The following MESD variants were observed in gnomAD, a reference collection of about 807,000 sequenced individuals.
The protein encoded by MESD is LRP chaperone MESD.
In MESD, 7 loss-of-function variants were observed where a neutral mutation model predicts 12.9. The observed-to-expected ratio is 0.54, with a 90% CI of 0.31 to 1.02. The LOEUF (loss-of-function observed/expected upper bound fraction) is 1.02, where lower values mean the gene tolerates loss of function less well. Among genes scored for constraint, MESD ranks in the 50% least tolerant of loss-of-function variants. MESD has a pLI of 0.05. For synonymous variants in MESD, 126 were observed against 115.6 expected (o/e 1.09, Z -0.58); for missense variants, 342 against 296.7 (o/e 1.15, Z -1.12).
chr15:80,981,067 G>A (rs936255239), intron 2 of MESD, among the ~76,000 whole-genome samples: 1 of 151,264 alleles, frequency 6.6e-6, no homozygotes, highest in Non-Finnish European at 1.5e-5. Context: ...TTCGTGATCC[G>A]CCCACCTCAG....
At chr15:80,983,750 T>C (rs1442133387) in intron 1 of MESD, among the ~76,000 whole-genome samples, 1 of 152,114 alleles carries the variant, frequency 6.6e-6, no homozygotes, top group African/African-American at 2.4e-5. Context: ...GGAAGCCAAC[T>C]TGAAGCAGCT....
At chr15:80,958,093 T>A (rs1479974074) in intron 3 of MESD, among the ~76,000 whole-genome samples, 1 of 152,142 alleles carries the variant, frequency 6.6e-6, no homozygotes, top group Non-Finnish European at 1.5e-5. Flanking sequence ...CACAAGGAAG[T>A]TATTTATAGC....
At chr15:80,974,067 C>CCCA (rs915863392), downstream of MESD, among the ~76,000 whole-genome samples, 3 of 152,136 alleles carry the variant, frequency 2.0e-5, no homozygotes, top group African/African-American at 7.2e-5. Flanking sequence ...TGGTTCCCCC[C>CCCA]CCCACTGGGG....
rs1240000379 is a variant in MESD at position 80,976,665 on chromosome 15, T to C, written c.*2554A>G. The C allele has an allele frequency of 6.6e-6, 1 of 152,196 alleles. No homozygotes were observed. Among genetic ancestry groups the C allele is most frequent in the Non-Finnish European group, 1.5e-5 (1 of 68,042 alleles). The allele number at this position is 152,196 out of a possible 1,614,324, so 9.4% of individuals were successfully genotyped here. On this transcript the variant is annotated 3_prime_UTR_variant, in exon 3 of 3. Transcript: ENST00000261758. ...ACCACTTGGGAGGGCAATTTGGCAA[T>C]ACACACCAAAATGTTAAATTCCGTT...
intron 3 of MESD, among the ~76,000 whole-genome samples, chr15:80,962,026 A>G (rs568269851): frequency 6.6e-6 from 1 of 152,378 alleles, no homozygotes; most frequent in South Asian, 2.1e-4. Context: ...AAATGCCCCA[A>G]TTAAAAGATA....
downstream of MESD, among the ~76,000 whole-genome samples, chr15:80,975,209 A>C (rs1372643339): frequency 7.8e-6 from 1 of 128,566 alleles, no homozygotes; most frequent in Non-Finnish European, 1.7e-5. Flanking sequence ...CCATTTCTCC[A>C]AAAAAAAAAA....
intron 3 of MESD, among the ~76,000 whole-genome samples, chr15:80,954,028 C>T (rs1263213642): frequency 1.3e-5 from 2 of 152,180 alleles, no homozygotes; most frequent in Non-Finnish European, 2.9e-5. Flanking sequence ...CTCATCCCCT[C>T]CCACTGGCTC....
downstream of MESD, chr15:80,946,924 T>C (rs1901579679): frequency 1.4e-6 from 2 of 1,398,802 alleles, no homozygotes; most frequent in African/African-American, 1.4e-5. Flanking sequence ...TTTCTCCAGT[T>C]TGCTCTCTCC....
chr15:80,975,263 T>C (rs1331279344), downstream of MESD, among the ~76,000 whole-genome samples: 1 of 150,708 alleles, frequency 6.6e-6, no homozygotes, highest in African/African-American at 2.4e-5. Flanking sequence ...TGCATGCTTG[T>C]AGTCCTAGCT....
intron 1 of MESD, among the ~76,000 whole-genome samples, chr15:80,988,047 C>A (rs965065380): frequency 6.6e-6 from 1 of 152,232 alleles, no homozygotes; most frequent in African/African-American, 2.4e-5. Context: ...TCTGCTCCTG[C>A]AGTTTCTAGC....
At position 80,978,558 on chromosome 15, in the gene MESD, C is replaced by T. The variant is rs574164043; in HGVS notation, c.*661G>A. 1 of 152,348 alleles carries T rather than the reference C, an allele frequency of 6.6e-6. No individual in the cohort carries two copies. Among genetic ancestry groups the T allele is most frequent in the South Asian group, 2.1e-4 (1 of 4,830 alleles). 9.4% of individuals were successfully genotyped at this position (152,348 alleles called of 1,614,324 possible). ...CTCTTTCCTAAATAAGGAAACAAAACAGAACCCCTAACTTTACAGACCACA... is the reference window on the plus strand; with the variant it reads ...CTCTTTCCTAAATAAGGAAACAAAATAGAACCCCTAACTTTACAGACCACA... On this transcript the variant is annotated 3_prime_UTR_variant, in exon 3 of 3. Transcript: ENST00000261758.
In MESD at chr15:80,977,319, G is replaced by GT. The variant is rs1902443073; in HGVS notation, c.*1899_*1900insA. On this transcript the variant is annotated 3_prime_UTR_variant, in exon 3 of 3. Coordinates refer to ENST00000261758, the MANE Select transcript of MESD (RefSeq NM_015154.3). ...CTGCCATTTTACTTTGTACATTACTGACATTTGTCTTCCCCCACCGAATCA... is the reference window on the plus strand; with the variant it reads ...CTGCCATTTTACTTTGTACATTACTGTACATTTGTCTTCCCCCACCGAATCA... 1 of 152,076 alleles carries GT rather than the reference G, an allele frequency of 6.6e-6. No individual in the cohort carries two copies. The highest frequency in any genetic ancestry group is 2.4e-5 in the African/African-American group (1 of 41,360). The allele number at this position is 152,076 out of a possible 1,614,324, so 9.4% of individuals were successfully genotyped here. A position where few individuals can be genotyped will look rare whatever the true frequency, so the allele number is the denominator to read the frequency against.
intron 3 of MESD, among the ~76,000 whole-genome samples, chr15:80,961,277 G>GAA (rs146807735): frequency 8.6e-6 from 1 of 115,924 alleles, no homozygotes. Flanking sequence ...GGAACAAAAA[G>GAA]AAAAAAAAAA....
At chr15:80,966,296 TATA>T (rs1295952736) in intron 3 of MESD, among the ~76,000 whole-genome samples, 1 of 152,326 alleles carries the variant, frequency 6.6e-6, no homozygotes, top group Non-Finnish European at 1.5e-5. Context: ...TAGCATTATT[TATA>T]ATGACTTGAC....
intron 3 of MESD, among the ~76,000 whole-genome samples, chr15:80,960,636 TAAAC>T (rs779101910): frequency 2.0e-5 from 3 of 152,202 alleles, no homozygotes; most frequent in African/African-American, 4.8e-5. Context: ...AACGCTTTCT[TAAAC>T]AAAATATCAA....
chr15:80,971,840 G>A (rs1440975084), downstream of MESD, among the ~76,000 whole-genome samples: 1 of 151,878 alleles, frequency 6.6e-6, no homozygotes, highest in African/African-American at 2.4e-5. Context: ...CAGCTACTTG[G>A]GAGGGAGGCT....
intron 3 of MESD, among the ~76,000 whole-genome samples, chr15:80,966,577 G>A (rs1328261373): frequency 1.3e-5 from 2 of 152,152 alleles, no homozygotes; most frequent in African/African-American, 4.8e-5. Flanking sequence ...CACAAACCAA[G>A]CTTCCACCCC....
At chr15:80,968,267 C>A (rs1258589866) in intron 3 of MESD, among the ~76,000 whole-genome samples, 1 of 152,210 alleles carries the variant, frequency 6.6e-6, no homozygotes, top group Admixed American at 6.5e-5. Flanking sequence ...GCATACCCTA[C>A]ACTGGGCAAG....
At position 80,985,299 on chromosome 15, in the gene MESD, G is replaced by A. The variant is rs8027735; in HGVS notation, c.214-3117C>T. Among the ~76,000 whole-genome samples the A allele has an allele frequency of 4.6e-3, 704 of 152,292 alleles. 6 individuals carry two copies. The highest frequency in any genetic ancestry group is 0.016 in the African/African-American group (674 of 41,578). On this transcript the variant is annotated intron_variant, in intron 1 of 2. Transcript: ENST00000261758. ...TAATGGAAAGCTGAGGGTAATAACAGCTTCTCCCTCCTAAGGTTTGTTTGG... is the reference window on the plus strand; with the variant it reads ...TAATGGAAAGCTGAGGGTAATAACAACTTCTCCCTCCTAAGGTTTGTTTGG...
Sources: allele counts gnomAD v4.1 joint callset (sites outside exome capture counted in the v4.1 genomes callset), GRCh38; gene constraint gnomAD v4.1.1; transcripts MANE v1.5; gene names NCBI Gene and HGNC (gene_info 2026-07-23, HGNC 2026-07-21).